Variants in ATP1A2 observed in about 807,000 individuals in gnomAD.
ATP1A2 encodes the protein sodium/potassium-transporting ATPase subunit alpha-2.
A neutral mutation model predicts 113.1 loss-of-function variants in ATP1A2; 56 were observed. That is an observed-to-expected ratio of 0.49 (90% CI 0.40 to 0.62). The LOEUF is 0.62. Among genes scored for constraint, ATP1A2 ranks in the 20% least tolerant of loss-of-function variants. The pLI is 0.00. For synonymous variants in ATP1A2, 490 were observed against 526.8 expected (o/e 0.93, Z 0.96); for missense variants, 712 against 1,357.8 (o/e 0.52, Z 7.47).
chr1:160,141,344 G>C lies in ATP1A2; in HGVS notation c.*22G>C, dbSNP rs747344951. ...CTGACCCCATTGGAAGAAGAACCAG[G>C]CATGGAAAGATGGGGAGCTCTGGAG... On this transcript the variant is annotated 3_prime_UTR_variant, in exon 23 of 23. Coordinates refer to ENST00000361216, the MANE Select transcript of ATP1A2 (RefSeq NM_000702.4). 5 of 1,613,838 alleles carry C rather than the reference G, an allele frequency of 3.1e-6. No individual in the cohort carries two copies. The highest frequency in any genetic ancestry group is 4.2e-6 in the Non-Finnish European group (5 of 1,179,684).
At position 160,136,270 on chromosome 1, in the gene ATP1A2, T is replaced by A. The variant is rs932326539; in HGVS notation, c.2463T>A (p.Tyr821Ter). The A allele has an allele frequency of 6.2e-7, 1 of 1,614,074 alleles. No individual in the cohort carries two copies. The highest frequency in any genetic ancestry group is 8.5e-7 in the Non-Finnish European group (1 of 1,180,040). The change falls in exon 18 of 23, where the codon TAT (tyrosine) becomes TAA (stop). Residue 821 changes from tyrosine (Y) to a stop codon, truncating the protein, a stop_gained. Transcript: ENST00000361216. LOFTEE classifies it high-confidence loss of function. The stretch of plus-strand genomic sequence containing the variant: ...AGGTCCCTGCCATCTCCTTGGCCTA[T>A]GAGGCAGCTGAGAGTGATATCATGA... ...TDMVPAISLAYEAAESDIMKR... is the reference protein window; with the variant it reads ...TDMVPAISLA
At chr1:160,132,205 C>T (rs993194836) in intron 13 of ATP1A2, among the ~76,000 whole-genome samples, 1 of 152,046 alleles carries the variant, frequency 6.6e-6, no homozygotes, top group African/African-American at 2.4e-5. Flanking sequence ...CTAGACTGTA[C>T]GGAGCGTGTG....
At position 160,136,303 on chromosome 1, in the gene ATP1A2, G is replaced by A. The variant is rs751831101; in HGVS notation, c.2496G>A (p.Gln832=). 4 of 1,614,204 alleles carry A rather than the reference G, an allele frequency of 2.5e-6. No individual in the cohort carries two copies. The South Asian group carries it at 3.3e-5, about 13-fold the overall frequency. The change falls in exon 18 of 23, where the codon CAG becomes CAA. Residue 832 remains glutamine, a synonymous_variant. Transcript: ENST00000361216. ...EAAESDIMKR[Q]PRNSQTDKLV... is the part of the protein sequence containing the mutation. ...CTGAGAGTGATATCATGAAGCGGCAGCCACGAAACTCCCAGACGGACAAGC... is the reference window on the plus strand; with the variant it reads ...CTGAGAGTGATATCATGAAGCGGCAACCACGAAACTCCCAGACGGACAAGC...
rs1403514933 is a variant in ATP1A2, at chr1:160,135,638, A to T, written c.2284+36A>T. On this transcript the variant is annotated intron_variant, in intron 16 of 22. Transcript: ENST00000361216. This position sits in a 1 kb window ranked among gnomAD's most constrained non-coding sequence, Gnocchi z 6.3. ...TGCATGGGTTGGGATGGTTTGCAGG[A>T]TACTGAAGCCGGCACCTCTGTTCCC... 1 of 1,612,570 alleles carries T rather than the reference A, an allele frequency of 6.2e-7. No homozygotes were observed. Among genetic ancestry groups the T allele is most frequent in the Non-Finnish European group, 8.5e-7 (1 of 1,179,994 alleles).
Position 160,130,546 on chromosome 1 carries a change from C to G in ATP1A2, c.1776C>G (p.Pro592=), listed in dbSNP as rs936405003. ...GGCTCATGTCTATGATTGACCCTCCCCGGGCTGCTGTGCCAGATGCTGTGG... is the reference window on the plus strand; with the variant it reads ...GGCTCATGTCTATGATTGACCCTCCGCGGGCTGCTGTGCCAGATGCTGTGG... ...FVGLMSMIDP[P]RAAVPDAVGK... Residue 592 remains proline, a synonymous_variant, in exon 13 of 23, where the codon CCC becomes CCG. Transcript: ENST00000361216. 11 of 1,614,216 alleles carry G rather than the reference C, an allele frequency of 6.8e-6. No homozygotes were observed. Among genetic ancestry groups the G allele is most frequent in the Non-Finnish European group, 9.3e-6 (11 of 1,180,028 alleles).
rs562048739 is a variant in ATP1A2, at chr1:160,116,042, G to A, written c.12+169G>A. Among the ~76,000 whole-genome samples the A allele has an allele frequency of 1.0e-3, 155 of 152,172 alleles. 1 individual carries two copies. Among genetic ancestry groups the A allele is most frequent in the Non-Finnish European group, 1.8e-3 (125 of 67,972 alleles). On this transcript the variant is annotated intron_variant, in intron 1 of 22. Transcript: ENST00000361216. The stretch of plus-strand genomic sequence containing the variant: ...CTACCAATGTGTGTACAGATCCCAC[G>A]GCGGTCACATACCCTAGTGCTCTCC...
At chr1:160,125,356 G>A in intron 7 of ATP1A2, 103 bp downstream of exon 7, 1 of 1,123,852 alleles carries the variant, frequency 8.9e-7, no homozygotes, top group Non-Finnish European at 1.3e-6. Context: ...CTCTGCCATT[G>A]GTGGGGCAAT....
At chr1:160,130,050 G>C in intron 11 of ATP1A2, 52 bp from the exon 12 acceptor site, 3 of 1,609,868 alleles carry the variant, frequency 1.9e-6, no homozygotes, top group Non-Finnish European at 2.5e-6. Flanking sequence ...GCTCTATGCC[G>C]CGCTACCAAG....
rs1652178535 is a variant in ATP1A2 at position 160,142,330 on chromosome 1, A to C, written c.*1008A>C. ...CTTTCTTTTCATGCCCATCCCGATG[A>C]ACCTGCATCATTCCCCGACACTGCC... On this transcript the variant is annotated 3_prime_UTR_variant, in exon 23 of 23. Coordinates refer to ENST00000361216, the MANE Select transcript of ATP1A2 (RefSeq NM_000702.4). The C allele has an allele frequency of 6.6e-6, 1 of 152,216 alleles. No individual in the cohort carries two copies. 9.4% of individuals were successfully genotyped at this position (152,216 alleles called of 1,614,324 possible).
At chr1:160,140,075 G>A in intron 22 of ATP1A2, 91 bp downstream of exon 22, 1 of 1,316,854 alleles carries the variant, frequency 7.6e-7, no homozygotes, top group Non-Finnish European at 1.1e-6. Flanking sequence ...TCCCACTACT[G>A]GTTCCTGCTT....
rs201643946 is a variant in ATP1A2 at position 160,127,536 on chromosome 1, C to A, written c.749-16C>A. On this transcript the variant is annotated splice_polypyrimidine_tract_variant and intron_variant, in intron 7 of 22. Coordinates refer to ENST00000361216, the MANE Select transcript of ATP1A2 (RefSeq NM_000702.4). ...GAGCCACAAGGCACCCAACCTGATG[C>A]CCCACCATGTTGCAGGCACTGCCAG... is the stretch of plus-strand genomic sequence containing the variant. The A allele has an allele frequency of 2.5e-6, 4 of 1,614,012 alleles. No individual in the cohort carries two copies. Among genetic ancestry groups the A allele is most frequent in the Admixed American group, 3.3e-5 (2 of 60,028 alleles).
intron 20 of ATP1A2, among the ~76,000 whole-genome samples, chr1:160,137,703 A>G (rs990244819): frequency 1.3e-5 from 2 of 151,376 alleles, no homozygotes; most frequent in African/African-American, 4.9e-5. Flanking sequence ...AATGACTGTG[A>G]TTCTATTATG....
chr1:160,137,112 A>C, intron 20 of ATP1A2, 81 bp downstream of exon 20: 10 of 1,607,052 alleles, frequency 6.2e-6, no homozygotes, highest in Non-Finnish European at 7.7e-6. Context: ...CTTCCAACTC[A>C]GCCCTGGACC....
intron 1 of ATP1A2, among the ~76,000 whole-genome samples, chr1:160,119,281 A>AAAAAG (rs1651296056): frequency 4.1e-5 from 6 of 144,584 alleles, no homozygotes; most frequent in Non-Finnish European, 9.3e-5. Flanking sequence ...AAAAAAAAAA[A>AAAAAG]AAGCAAACAC....
rs1488861525 is a variant in ATP1A2 at position 160,123,380 on chromosome 1, C to T, written c.345C>T (p.Ile115=). ...TCCTCTGCTTCCTGGCCTACGGCAT[C>T]CAGGCTGCCATGGAGGATGAACCAT... is the stretch of plus-strand genomic sequence containing the variant. ...GAILCFLAYG[I]QAAMEDEPSN... The change falls in exon 4 of 23, where the codon ATC becomes ATT. Residue 115 remains isoleucine, a synonymous_variant. Transcript: ENST00000361216. 1 of 1,614,210 alleles carries T rather than the reference C, an allele frequency of 6.2e-7. No homozygotes were observed. Among genetic ancestry groups the T allele is most frequent in the Admixed American group, 1.7e-5 (1 of 60,010 alleles).
intron 4 of ATP1A2, 75 bp from the exon 5 acceptor site, chr1:160,123,868 G>A: frequency 9.0e-6 from 12 of 1,326,014 alleles, no homozygotes; most frequent in Non-Finnish European, 1.3e-5. Flanking sequence ...GGCACTGCCT[G>A]CTCATCCCAA....
intron 1 of ATP1A2, among the ~76,000 whole-genome samples, chr1:160,117,768 C>T (rs1490653936): frequency 3.3e-5 from 5 of 152,132 alleles, no homozygotes; most frequent in African/African-American, 9.7e-5. Context: ...GGGGAAGGGA[C>T]GACACTGGTG....
chr1:160,136,169 C>T, intron 17 of ATP1A2, 78 bp from the exon 18 acceptor site: 1 of 1,606,372 alleles, frequency 6.2e-7, no homozygotes, highest in East Asian at 2.2e-5. Context: ...ACGATCGTCA[C>T]TGTCGAAGAT....
chr1:160,129,470 G>A, intron 11 of ATP1A2, 70 bp downstream of exon 11: 1 of 1,594,844 alleles, frequency 6.3e-7, no homozygotes, highest in Non-Finnish European at 8.5e-7. Context: ...AAAGCCAAGG[G>A]GAATCATCAC....
Sources: allele counts gnomAD v4.1 joint callset (sites outside exome capture counted in the v4.1 genomes callset), GRCh38; gene constraint gnomAD v4.1.1; non-coding constraint Gnocchi (gnomAD v3.1); transcripts MANE v1.5; gene names NCBI Gene and HGNC (gene_info 2026-07-23, HGNC 2026-07-21).